Variants in EYS observed in about 807,000 individuals in gnomAD.
EYS encodes EGF-like photoreceptor maintenance factor, also known as protein eyes shut homolog.
A neutral mutation model predicts 282.1 loss-of-function variants in EYS; 250 were observed. That is an observed-to-expected ratio of 0.89 (90% CI 0.80 to 0.98). The LOEUF (loss-of-function observed/expected upper bound fraction) is 0.98, where lower values mean the gene tolerates loss of function less well. Among genes scored for constraint, EYS ranks in the 50% least tolerant of loss-of-function variants. The pLI is 0.00. For synonymous variants in EYS, 1,355 were observed against 1,282.9 expected (o/e 1.06, Z -1.20); for missense variants, 4,016 against 3,709.0 (o/e 1.08, Z -2.15).
At chr6:65,107,931 T>C (rs1775091972) in intron 12 of EYS, among the ~76,000 whole-genome samples, 1 of 152,156 alleles carries the variant, frequency 6.6e-6, no homozygotes, top group Non-Finnish European at 1.5e-5. Flanking sequence ...TGCTCATTCT[T>C]TGTTATAATT....
chr6:63,908,298 A>C (rs1420159937), intron 35 of EYS, among the ~76,000 whole-genome samples: 1 of 152,014 alleles, frequency 6.6e-6, no homozygotes, highest in Non-Finnish European at 1.5e-5. Flanking sequence ...TATTATTAAA[A>C]AGACAAAAAT....
chr6:65,560,611 G>A (rs1004506480), intron 2 of EYS, among the ~76,000 whole-genome samples: 26 of 151,326 alleles, frequency 1.7e-4, no homozygotes, highest in Middle Eastern at 3.2e-3. Context: ...ATGCATCTCT[G>A]CCATCCAAAG....
Position 64,635,209 on chromosome 6 carries a change from T to C in EYS, c.3444-8964A>G, listed in dbSNP as rs1767931674. Among the ~76,000 whole-genome samples the C allele has an allele frequency of 2.0e-5, 3 of 152,308 alleles. No individual in the cohort carries two copies. In the South Asian group the frequency reaches 6.2e-4, roughly 32 times the overall value. On this transcript the variant is annotated intron_variant, in intron 22 of 42. Coordinates refer to ENST00000503581, the MANE Select transcript of EYS (RefSeq NM_001142800.2). ...ACTTTGCTGAAGTTGCCTATCAGCT[T>C]GAGGAGATTTTGGGCTGAGACGATG...
At chr6:64,033,326 G>A (rs1395343284) in intron 33 of EYS, among the ~76,000 whole-genome samples, 1 of 152,092 alleles carries the variant, frequency 6.6e-6, no homozygotes, top group Non-Finnish European at 1.5e-5. Context: ...ACTCTAATAG[G>A]CACATAGCTA....
intron 12 of EYS, among the ~76,000 whole-genome samples, chr6:65,065,383 A>AT (rs1773713866): frequency 6.7e-6 from 1 of 148,150 alleles, no homozygotes; most frequent in Admixed American, 6.9e-5. Context: ...GGAAAAAAAC[A>AT]ATTTTTTTTT....
rs201498090 is a variant in EYS at position 64,372,130 on chromosome 6, G to GTTTTTTTTTT, written c.6078+16550_6078+16559dup. ...TAGCATCACTGGTCTGTATACTTGTGTTTTTTTTTTTTTTTTTTTTTTTTT... is the reference window on the plus strand; with the variant it reads ...TAGCATCACTGGTCTGTATACTTGTGTTTTTTTTTTTTTTTTTTTTTTTTTTTTTTTTTTT... On this transcript the variant is annotated intron_variant, in intron 29 of 42. Coordinates refer to ENST00000503581, the MANE Select transcript of EYS (RefSeq NM_001142800.2). Among the ~76,000 whole-genome samples the GTTTTTTTTTT allele has an allele frequency of 1.4e-3, 139 of 97,690 alleles. 6 individuals carry two copies. Among genetic ancestry groups the GTTTTTTTTTT allele is most frequent in the African/African-American group, 4.9e-3 (103 of 21,226 alleles). The allele number at this position is 97,690 out of a possible 152,430, so 64.1% of individuals were successfully genotyped here.
chr6:64,859,128 C>T (rs948010769), intron 19 of EYS, among the ~76,000 whole-genome samples: 1 of 151,312 alleles, frequency 6.6e-6, no homozygotes, highest in African/African-American at 2.4e-5. Context: ...ATGCACTTAG[C>T]AAATTTACAG....
intron 35 of EYS, among the ~76,000 whole-genome samples, chr6:63,892,142 T>C (rs1010299633): frequency 6.6e-6 from 1 of 152,184 alleles, no homozygotes. Context: ...ATTGTGAAAA[T>C]GGCCATACTG....
intron 12 of EYS, among the ~76,000 whole-genome samples, chr6:65,231,439 T>C (rs1766780676): frequency 6.6e-6 from 1 of 151,652 alleles, no homozygotes; most frequent in Non-Finnish European, 1.5e-5. Flanking sequence ...TGGTGTTTTA[T>C]TAAAAGAGAG....
intron 22 of EYS, among the ~76,000 whole-genome samples, chr6:64,668,814 G>A (rs953273002): frequency 4.0e-5 from 6 of 151,886 alleles, no homozygotes; most frequent in Non-Finnish European, 7.4e-5. Context: ...TGATCCACCC[G>A]CCTCAGCCTC....
intron 2 of EYS, among the ~76,000 whole-genome samples, chr6:65,511,671 G>A (rs531389795): frequency 2.0e-5 from 3 of 152,042 alleles, no homozygotes; most frequent in Non-Finnish European, 4.4e-5. Flanking sequence ...CAATAACTCA[G>A]GACAGGCGAG....
intron 5 of EYS, among the ~76,000 whole-genome samples, chr6:65,485,975 A>G (rs1235336638): frequency 6.6e-6 from 1 of 152,230 alleles, no homozygotes; most frequent in Non-Finnish European, 1.5e-5. Flanking sequence ...TGCCATTGGG[A>G]ATTTGTGAAT....
chr6:65,427,893 G>C (rs1767724404), intron 5 of EYS, among the ~76,000 whole-genome samples: 1 of 151,972 alleles, frequency 6.6e-6, no homozygotes, highest in Non-Finnish European at 1.5e-5. Context: ...TCCACATATA[G>C]ATGATATCAA....
At chr6:63,940,238 G>T (rs1437429416) in intron 35 of EYS, among the ~76,000 whole-genome samples, 2 of 151,984 alleles carry the variant, frequency 1.3e-5, no homozygotes, top group African/African-American at 4.8e-5. Flanking sequence ...CTAATTGCTT[G>T]CTATGTACCA....
At chr6:65,142,182 G>A (rs1214773694) in intron 12 of EYS, among the ~76,000 whole-genome samples, 3 of 151,690 alleles carry the variant, frequency 2.0e-5, no homozygotes, top group South Asian at 2.1e-4. Context: ...ATAATGTATC[G>A]TACCCCTCAA....
At chr6:65,143,228 G>A (rs140017058) in intron 12 of EYS, among the ~76,000 whole-genome samples, 2 of 151,244 alleles carry the variant, frequency 1.3e-5, no homozygotes, top group African/African-American at 4.9e-5. Flanking sequence ...AAAACAACAT[G>A]GATATTCCTT....
intron 35 of EYS, among the ~76,000 whole-genome samples, chr6:63,879,810 G>A (rs974970581): frequency 1.3e-5 from 2 of 152,144 alleles, no homozygotes; most frequent in Admixed American, 1.3e-4. Flanking sequence ...ATAAAATGAA[G>A]CATCTGGGGT....
chr6:65,698,618 C>A (rs771800069), intron 1 of EYS, among the ~76,000 whole-genome samples: 14 of 152,128 alleles, frequency 9.2e-5, no homozygotes, highest in Non-Finnish European at 1.5e-4. Context: ...TCTGAGTGTT[C>A]TCCCACAGCT....
intron 22 of EYS, among the ~76,000 whole-genome samples, chr6:64,741,243 G>C (rs1772360510): frequency 6.6e-6 from 1 of 152,068 alleles, no homozygotes; most frequent in Admixed American, 6.6e-5. Context: ...ATCTCCATCA[G>C]AGCTCTTGGG....
Sources: gnomAD v4.1 joint callset for allele counts (sites outside exome capture counted in the v4.1 genomes callset) on GRCh38, gnomAD v4.1.1 for gene constraint, MANE v1.5 for transcripts, NCBI Gene and HGNC (gene_info 2026-07-23, HGNC 2026-07-21) for gene names.